Variants in FAT3 observed in about 807,000 individuals in gnomAD.
The protein encoded by FAT3 is FAT atypical cadherin 3.
Under a neutral mutation model 310.2 loss-of-function variants are expected in FAT3, and 95 were observed. That is an observed-to-expected ratio of 0.31 (90% CI 0.26 to 0.36). FAT3 has a LOEUF of 0.36. FAT3 is among the 10% of genes least tolerant of loss of function. The probability of loss-of-function intolerance (pLI) is 1.00; values close to 1 mark genes in which losing one functional copy is unlikely to be tolerated. For synonymous variants in FAT3, 2,314 were observed against 2,192.9 expected (o/e 1.06, Z -1.54); for missense variants, 5,408 against 5,715.6 (o/e 0.95, Z 1.74).
In FAT3 at chr11:92,524,853, A is replaced by G; in HGVS notation, c.3512A>G (p.Gln1171Arg). ...AAGGACGTATCTGTCATTCAGATCC[A>G]GGCTGAAGATCCTGACTCCAGTTCC... ...SPKDVSVIQIQAEDPDSSSNE... is the reference protein window; with the variant it reads ...SPKDVSVIQIRAEDPDSSSNE... Residue 1171 changes from glutamine to arginine, a missense_variant, in exon 3 of 28, where the codon CAG becomes CGG. Transcript: ENST00000525166. 1.2e-6 allele frequency: 2 copies of G among 1,613,896 alleles called. No individual in the cohort carries two copies. Among genetic ancestry groups the G allele is most frequent in the South Asian group, 1.1e-5 (1 of 91,078 alleles).
intron 2 of FAT3, among the ~76,000 whole-genome samples, chr11:92,366,325 A>G (rs971236807): frequency 1.3e-5 from 2 of 152,192 alleles, no homozygotes; most frequent in Non-Finnish European, 2.9e-5. Flanking sequence ...GAGAGAGGCT[A>G]CAGGAGACAA....
intron 3 of FAT3, among the ~76,000 whole-genome samples, chr11:92,605,042 C>G (rs1462662657): frequency 6.6e-6 from 1 of 152,186 alleles, no homozygotes. Context: ...GTGTATAAAT[C>G]TAAAACAGAT....
chr11:92,628,886 G>T (rs933653170), intron 3 of FAT3, among the ~76,000 whole-genome samples: 1 of 152,132 alleles, frequency 6.6e-6, no homozygotes, highest in African/African-American at 2.4e-5. Context: ...ACAGGCACAC[G>T]TGCACTCATG....
chr11:92,598,433 C>A (rs990778621), intron 3 of FAT3, among the ~76,000 whole-genome samples: 1 of 151,798 alleles, frequency 6.6e-6, no homozygotes, highest in Non-Finnish European at 1.5e-5. Flanking sequence ...CTATGTTGCC[C>A]GGGCTGATCC....
intron 3 of FAT3, among the ~76,000 whole-genome samples, chr11:92,530,902 G>GAAA (rs11464368): frequency 6.8e-6 from 1 of 147,314 alleles, no homozygotes. Flanking sequence ...GGGATTTAAA[G>GAAA]AAAAAAAAAA....
intron 11 of FAT3, among the ~76,000 whole-genome samples, chr11:92,806,005 A>T (rs1216071597): frequency 6.6e-6 from 1 of 152,156 alleles, no homozygotes; most frequent in Non-Finnish European, 1.5e-5. Context: ...AATTCCTAGG[A>T]CTTACTGGGG....
At chr11:92,888,703 C>T (rs1412789668) in intron 25 of FAT3, among the ~76,000 whole-genome samples, 1 of 152,194 alleles carries the variant, frequency 6.6e-6, no homozygotes, top group African/African-American at 2.4e-5. Flanking sequence ...CTGTCAGTGG[C>T]ATTATGTGAC....
chr11:92,545,696 A>G (rs1954594284), intron 3 of FAT3, among the ~76,000 whole-genome samples: 1 of 152,212 alleles, frequency 6.6e-6, no homozygotes, highest in Admixed American at 6.5e-5. Flanking sequence ...CAAGGCACTC[A>G]TGAGGGCATG....
At chr11:92,406,704 A>G (rs1311775957) in intron 2 of FAT3, 3 of 152,218 alleles carry the variant, frequency 2.0e-5, no homozygotes, top group South Asian at 4.1e-4. Context: ...CTCTGTGTGC[A>G]CTTGGCCTGG....
rs1387383145 is a variant in FAT3, at chr11:92,798,069, A to T, written c.5056A>T (p.Ile1686Phe). The change falls in exon 10 of 28, where the codon ATT (isoleucine) becomes TTT (phenylalanine). Residue 1686 changes from isoleucine to phenylalanine, a missense_variant. This residue lies in a region of FAT3 where 4,588 missense variants were observed against 4,809.8 expected (regional missense o/e 0.95). Coordinates refer to ENST00000525166, the MANE Select transcript of FAT3 (RefSeq NM_001367949.2). ...AGCAGAAGTAAATGAAAATGTTGAC[A>T]TTGGAACATCAGTCATTCTAATCTC... is the stretch of plus-strand genomic sequence containing the variant. ...YQAEVNENVD[I>F]GTSVILISAI... 1 of 1,613,924 alleles carries T rather than the reference A, an allele frequency of 6.2e-7. No individual in the cohort carries two copies. Among genetic ancestry groups the T allele is most frequent in the Admixed American group, 1.7e-5 (1 of 60,020 alleles).
At chr11:92,572,192 GA>G (rs1232458801) in intron 3 of FAT3, among the ~76,000 whole-genome samples, 1 of 152,150 alleles carries the variant, frequency 6.6e-6, no homozygotes, top group Non-Finnish European at 1.5e-5. Context: ...AAAAGACATT[GA>G]ATGACAGCTC....
At chr11:92,340,490 T>C (rs896675077) in intron 1 of FAT3, among the ~76,000 whole-genome samples, 2 of 152,208 alleles carry the variant, frequency 1.3e-5, no homozygotes, top group Admixed American at 1.3e-4. Flanking sequence ...ATTCATGTTC[T>C]GTTTGAACCG....
At chr11:92,394,645 A>G (rs1949823357) in intron 2 of FAT3, among the ~76,000 whole-genome samples, 2 of 151,926 alleles carry the variant, frequency 1.3e-5, no homozygotes. Context: ...ATACAAAAAA[A>G]GAAAAAAAAA....
At chr11:92,436,885 A>G (rs1422699004) in intron 2 of FAT3, among the ~76,000 whole-genome samples, 1 of 152,138 alleles carries the variant, frequency 6.6e-6, no homozygotes, top group Non-Finnish European at 1.5e-5. Flanking sequence ...AAGATAAGAC[A>G]TACTGATTTA....
chr11:92,836,756 A>G, intron 16 of FAT3, 53 bp downstream of exon 16: 1 of 1,583,586 alleles, frequency 6.3e-7, no homozygotes, highest in Non-Finnish European at 8.6e-7. Context: ...ACTTTCCTAG[A>G]ATCAGGGGCA....
At chr11:92,433,606 T>C (rs1950852411) in intron 2 of FAT3, among the ~76,000 whole-genome samples, 1 of 152,072 alleles carries the variant, frequency 6.6e-6, no homozygotes, top group Admixed American at 6.6e-5. Flanking sequence ...AATACCTCAG[T>C]TGGAAATGCA....
At chr11:92,436,844 G>A (rs557592822) in intron 2 of FAT3, among the ~76,000 whole-genome samples, 85 of 152,216 alleles carry the variant, frequency 5.6e-4, no homozygotes, top group African/African-American at 2.0e-3. Context: ...GTGGTGTGAC[G>A]TGTTGCACAG....
At chr11:92,275,085 GT>G (rs1946230704) in intron 1 of FAT3, among the ~76,000 whole-genome samples, 1 of 152,084 alleles carries the variant, frequency 6.6e-6, no homozygotes, top group Non-Finnish European at 1.5e-5. Context: ...CTGTTGTAGT[GT>G]GTGCCATGAA....
At chr11:92,779,210 AG>A (rs1441877542) in intron 7 of FAT3, among the ~76,000 whole-genome samples, 1 of 152,144 alleles carries the variant, frequency 6.6e-6, no homozygotes, top group Non-Finnish European at 1.5e-5. Context: ...AATGCCTAGG[AG>A]GATGGGGTTA....
Sources: gnomAD v4.1 joint callset for allele counts (sites outside exome capture counted in the v4.1 genomes callset) on GRCh38, gnomAD v4.1.1 for gene constraint, gnomAD v4.1.1 regional missense constraint, MANE v1.5 for transcripts, NCBI Gene and HGNC (gene_info 2026-07-23, HGNC 2026-07-21) for gene names.